Variants in CPNE9 observed in about 807,000 individuals in gnomAD.
CPNE9 encodes copine-9.
Under a neutral mutation model 83.0 loss-of-function variants are expected in CPNE9, and 59 were observed. That is an observed-to-expected ratio of 0.71 (90% confidence interval 0.58 to 0.88). The LOEUF (loss-of-function observed/expected upper bound fraction) is 0.88, where lower values mean the gene tolerates loss of function less well. Among genes scored for constraint, CPNE9 ranks in the 40% least tolerant of loss-of-function variants. The probability of loss-of-function intolerance (pLI) is 0.00; values close to 1 mark genes in which losing one functional copy is unlikely to be tolerated. For missense variants in CPNE9, 619 were observed against 720.8 expected (o/e 0.86, Z 1.62); for synonymous variants, 256 against 273.4 (o/e 0.94, Z 0.63).
Position 9,704,683 on chromosome 3 carries a change from C to A in CPNE9, c.109+56C>A. The A allele has an allele frequency of 6.2e-7, 1 of 1,603,292 alleles. No individual in the cohort carries two copies. The highest frequency in any genetic ancestry group is 8.5e-7 in the Non-Finnish European group (1 of 1,170,422). ...TTGGGGTCTGGGCGCGACTCAGGGG[C>A]GGGTGGAGTCGGGGCCAGGGGTGGG... On this transcript the variant is annotated intron_variant, in intron 2 of 20. Coordinates refer to ENST00000383832, the MANE Select transcript of CPNE9 (RefSeq NM_153635.3). This position sits in a 1 kb window ranked among gnomAD's most constrained non-coding sequence, Gnocchi z 7.1.
At chr3:9,705,252 C>T (rs888536662) in intron 4 of CPNE9, among the ~76,000 whole-genome samples, 6 of 152,156 alleles carry the variant, frequency 3.9e-5, no homozygotes, top group African/African-American at 7.2e-5. Context: ...ACAACCCTGC[C>T]CCCAGCAGCC....
chr3:9,714,945 C>G lies in CPNE9; in HGVS notation c.682C>G (p.Arg228Gly). 1 of 1,613,788 alleles carries G rather than the reference C, an allele frequency of 6.2e-7. No homozygotes were observed. Among genetic ancestry groups the G allele is most frequent in the East Asian group, 2.2e-5 (1 of 44,874 alleles). Residue 228 changes from arginine (R) to glycine (G), a missense_variant, in exon 11 of 21, where the codon CGG becomes GGG. By Grantham distance (125) the Arg-to-Gly change is moderately radical. Transcript: ENST00000383832. ...GAAGATTGATGTGTACGACTGGGAC[C>G]GGGATGGAAGGTAGAACTGCCCCAC... ...TVKIDVYDWDRDGSHDFIGEF... is the reference protein window; with the variant it reads ...TVKIDVYDWDGDGSHDFIGEF...
chr3:9,718,740 C>T (rs113208952), intron 17 of CPNE9, 138 bp downstream of exon 17: 195 of 1,022,842 alleles, frequency 1.9e-4, no homozygotes, highest in Middle Eastern at 1.9e-3. Flanking sequence ...GTGGCTCATA[C>T]CTGTAATCCC....
At chr3:9,721,732 G>A (rs907644496) in intron 17 of CPNE9, among the ~76,000 whole-genome samples, 3 of 152,112 alleles carry the variant, frequency 2.0e-5, no homozygotes, top group Non-Finnish European at 2.9e-5. Flanking sequence ...ACTAGAGTGC[G>A]CACTGTGTAC....
intron 9 of CPNE9, 72 bp downstream of exon 9, chr3:9,712,900 T>A: frequency 6.4e-7 from 1 of 1,570,694 alleles, no homozygotes; most frequent in East Asian, 2.2e-5. Flanking sequence ...ATCTCAGGAA[T>A]CTCTGAGAGC....
chr3:9,717,022 G>A lies in CPNE9; in HGVS notation c.885-36G>A, dbSNP rs1054340986. The A allele has an allele frequency of 1.1e-5, 17 of 1,604,492 alleles. No homozygotes were observed. The Admixed American group carries it at 2.0e-4, about 19-fold the overall frequency. ...AGAAATAGTGATGTAATAATCATTAGTTCCTCACTTCTCAATTCATCTGCT... is the reference window on the plus strand; with the variant it reads ...AGAAATAGTGATGTAATAATCATTAATTCCTCACTTCTCAATTCATCTGCT... On this transcript the variant is annotated intron_variant, in intron 14 of 20. Coordinates refer to ENST00000383832, the MANE Select transcript of CPNE9 (RefSeq NM_153635.3).
At chr3:9,726,184 T>C in intron 18 of CPNE9, 133 bp downstream of exon 18, 1 of 572,702 alleles carries the variant, frequency 1.7e-6, no homozygotes, top group Non-Finnish European at 3.1e-6. Context: ...CACAAGACTC[T>C]TGGATTAGAG....
chr3:9,725,640 G>GTATGTGTATA (rs1157764347), intron 17 of CPNE9, among the ~76,000 whole-genome samples: 12 of 49,458 alleles, frequency 2.4e-4, no homozygotes, highest in Admixed American at 4.8e-4. Flanking sequence ...GTATATACAT[G>GTATGTGTATA]TATGTGTATA....
At chr3:9,721,509 A>C (rs1385217251) in intron 17 of CPNE9, among the ~76,000 whole-genome samples, 1 of 152,200 alleles carries the variant, frequency 6.6e-6, no homozygotes, top group African/African-American at 2.4e-5. Flanking sequence ...TTAGAGGAGC[A>C]GACAGCCCAT....
chr3:9,712,779 G>A lies in CPNE9; in HGVS notation c.496G>A (p.Gly166Arg). Residue 166 changes from glycine (G) to arginine (R), a missense_variant, in exon 9 of 21, where the codon GGG becomes AGG. Gly to Arg is a moderately radical substitution (Grantham distance 125). Transcript: ENST00000383832. ...CAAGCTGGACAAGAAGGACTTCTTT[G>A]GGAAATCAGACCCCTTCCTTGTGTT... is the stretch of plus-strand genomic sequence containing the variant. The part of the protein sequence containing the change: ...ANKLDKKDFF[G>R]KSDPFLVFYR... 1 of 1,614,162 alleles carries A rather than the reference G, an allele frequency of 6.2e-7. No homozygotes were observed. The highest frequency in any genetic ancestry group is 8.5e-7 in the Non-Finnish European group (1 of 1,180,030).
rs779539740 is a variant in CPNE9, at chr3:9,718,104, C to T, written c.1007C>T (p.Ala336Val). 3.1e-6 allele frequency: 5 copies of T among 1,613,962 alleles called. No individual in the cohort carries two copies. Among genetic ancestry groups the T allele is most frequent in the Non-Finnish European group, 3.4e-6 (4 of 1,179,992 alleles). ...QLSAYAMALK[A>V]VGEIIQDYDS... ...AGCGCCTATGCCATGGCCCTCAAGGCAGTGGGAGAGATCATCCAGGACTAT... is the reference window on the plus strand; with the variant it reads ...AGCGCCTATGCCATGGCCCTCAAGGTAGTGGGAGAGATCATCCAGGACTAT... The change falls in exon 16 of 21, where the codon GCA becomes GTA. Residue 336 changes from alanine to valine, a missense_variant. Around this residue, in one of 3 missense-constraint regions of CPNE9, gnomAD observed 438 missense variants for 562.9 expected, o/e 0.78. Transcript: ENST00000383832.
intron 9 of CPNE9, 23 bp from the exon 10 acceptor site, chr3:9,712,952 C>T: frequency 6.2e-7 from 1 of 1,600,916 alleles, no homozygotes. Context: ...TAAATTATAC[C>T]AATTCTTCCC....
At chr3:9,719,427 C>T (rs923203788) in intron 17 of CPNE9, among the ~76,000 whole-genome samples, 12 of 152,246 alleles carry the variant, frequency 7.9e-5, no homozygotes, top group East Asian at 5.8e-4. Flanking sequence ...GTGGTGAAGG[C>T]GTACGTTTTA....
intron 20 of CPNE9, among the ~76,000 whole-genome samples, chr3:9,727,712 G>A (rs2076796954): frequency 6.6e-6 from 1 of 152,096 alleles, no homozygotes; most frequent in South Asian, 2.1e-4. Flanking sequence ...AAAATTTGGG[G>A]GTATGTTAGA....
chr3:9,709,194 T>C (rs575532277), intron 7 of CPNE9, among the ~76,000 whole-genome samples: 3 of 145,042 alleles, frequency 2.1e-5, no homozygotes, highest in Admixed American at 1.4e-4. Flanking sequence ...TAAAATCGCC[T>C]GAACCCGGGA....
chr3:9,717,020 T>G, intron 14 of CPNE9, 38 bp from the exon 15 acceptor site: 1 of 1,603,680 alleles, frequency 6.2e-7, no homozygotes, highest in South Asian at 1.1e-5. Flanking sequence ...TAATAATCAT[T>G]AGTTCCTCAC....
chr3:9,715,844 G>C, intron 13 of CPNE9, 130 bp from the exon 14 acceptor site: 1 of 746,476 alleles, frequency 1.3e-6, no homozygotes, highest in East Asian at 2.7e-5. Flanking sequence ...GGGTGGGACT[G>C]ACTGGGGGAG....
At chr3:9,705,419 T>TACCCCCCCCCCCCCCCCCCCCCC in intron 4 of CPNE9, 45 bp from the exon 5 acceptor site, 1 of 662,622 alleles carries the variant, frequency 1.5e-6, no homozygotes. Context: ...TTCCACCCTC[T>TACCCCCCCCCCCCCCCCCCCCCC]CCCCCACCCA....
At chr3:9,709,525 C>T (rs1052018776) in intron 7 of CPNE9, among the ~76,000 whole-genome samples, 7 of 151,254 alleles carry the variant, frequency 4.6e-5, no homozygotes, top group South Asian at 2.1e-4. Context: ...CCTGCCACCG[C>T]GCCCAGCCAA....
Sources: gnomAD v4.1 joint callset for allele counts (sites outside exome capture counted in the v4.1 genomes callset) on GRCh38, gnomAD v4.1.1 for gene constraint, gnomAD v4.1.1 regional missense constraint, Gnocchi (gnomAD v3.1) non-coding constraint, MANE v1.5 for transcripts, NCBI Gene and HGNC (gene_info 2026-07-23, HGNC 2026-07-21) for gene names.